The following ABTB3 variants were observed in gnomAD, a reference collection of about 807,000 sequenced individuals.
ABTB3 encodes ankyrin repeat- and BTB/POZ domain-containing protein 3.
At chr12:107,586,248 C>T in the ABTB3 span, among the ~76,000 whole-genome samples, 2 of 152,114 alleles carry the variant, frequency 1.3e-5, no homozygotes, top group Non-Finnish European at 2.9e-5. Context: ...GCTGCATCCG[C>T]ACCAGCCATT....
At chr12:107,560,433 CA>C in the ABTB3 span, among the ~76,000 whole-genome samples, 3 of 152,136 alleles carry the variant, frequency 2.0e-5, no homozygotes, top group Admixed American at 6.5e-5. Context: ...GCTTTTTTTC[CA>C]GGAAGCAAGG....
At chr12:107,525,883 T>C in the ABTB3 span, among the ~76,000 whole-genome samples, 1 of 152,220 alleles carries the variant, frequency 6.6e-6, no homozygotes, top group Non-Finnish European at 1.5e-5. Context: ...GTATTATTAT[T>C]CCCATTTCAC....
the ABTB3 span, among the ~76,000 whole-genome samples, chr12:107,493,468 C>T: frequency 2.6e-4 from 39 of 152,300 alleles, no homozygotes; most frequent in African/African-American, 9.4e-4. Flanking sequence ...TGTGTTAGAA[C>T]CTTCTCTCAG....
chr12:107,599,808 A>G, the ABTB3 span, among the ~76,000 whole-genome samples: 1 of 152,182 alleles, frequency 6.6e-6, no homozygotes, highest in African/African-American at 2.4e-5. Flanking sequence ...AAATAATAAT[A>G]AAAGCCAAAA....
chr12:107,651,688 T>A, the ABTB3 span: 1 of 1,614,038 alleles, frequency 6.2e-7, no homozygotes, highest in Middle Eastern at 1.7e-4. Flanking sequence ...TGTCTGCTGC[T>A]AAGTTTTTCC....
chr12:107,516,075 G>A, the ABTB3 span, among the ~76,000 whole-genome samples: 5 of 151,548 alleles, frequency 3.3e-5, no homozygotes, highest in Non-Finnish European at 7.4e-5. Context: ...ACACCAGGCT[G>A]TGATATAAAA....
chr12:107,469,804 A>G, the ABTB3 span, among the ~76,000 whole-genome samples: 1 of 152,140 alleles, frequency 6.6e-6, no homozygotes, highest in Non-Finnish European at 1.5e-5. Context: ...GCAACTTCAA[A>G]TGGCAGTGAT....
At chr12:107,375,977 G>A in the ABTB3 span, among the ~76,000 whole-genome samples, 1 of 152,064 alleles carries the variant, frequency 6.6e-6, no homozygotes, top group South Asian at 2.1e-4. Context: ...TCTCTTATTT[G>A]TCACTCTCCA....
chr12:107,343,360 A>T, the ABTB3 span, among the ~76,000 whole-genome samples: 3 of 152,122 alleles, frequency 2.0e-5, no homozygotes, highest in Non-Finnish European at 1.5e-5. Context: ...CTCAATGAAG[A>T]TGCCTCTTGG....
chr12:107,482,733 C>A, the ABTB3 span, among the ~76,000 whole-genome samples: 1 of 152,032 alleles, frequency 6.6e-6, no homozygotes. Flanking sequence ...TCTCCTCTTC[C>A]TGGCTCCATT....
chr12:107,479,672 A>C, the ABTB3 span, among the ~76,000 whole-genome samples: 1 of 151,968 alleles, frequency 6.6e-6, no homozygotes, highest in South Asian at 2.1e-4. Flanking sequence ...TTTTTATCCT[A>C]ATGTCTCCCC....
chr12:107,543,990 C>T, the ABTB3 span: 29 of 1,613,870 alleles, frequency 1.8e-5, no homozygotes, highest in Middle Eastern at 4.9e-4. Context: ...CCAAGCACCA[C>T]GGCAATGGCA....
the ABTB3 span, chr12:107,581,408 A>G: frequency 1.0e-6 from 1 of 983,274 alleles, no homozygotes; most frequent in African/African-American, 1.7e-5. Context: ...AGCCCCGCAC[A>G]CCTCGGCGGC....
At chr12:107,644,805 C>T in the ABTB3 span, among the ~76,000 whole-genome samples, 1 of 151,978 alleles carries the variant, frequency 6.6e-6, no homozygotes, top group African/African-American at 2.4e-5. Flanking sequence ...GTTTGGCCCC[C>T]ACTTATAAGT....
chr12:107,590,862 C>G, the ABTB3 span, among the ~76,000 whole-genome samples: 1 of 152,086 alleles, frequency 6.6e-6, no homozygotes, highest in Non-Finnish European at 1.5e-5. Context: ...TTATTTTTGG[C>G]CCACTCTTGA....
the ABTB3 span, among the ~76,000 whole-genome samples, chr12:107,584,006 A>C: frequency 1.5e-4 from 23 of 152,354 alleles, no homozygotes; most frequent in Non-Finnish European, 1.2e-4. Flanking sequence ...AGCTTACCTA[A>C]ATAGTAAGTG....
At chr12:107,645,583 G>A in the ABTB3 span, among the ~76,000 whole-genome samples, 1 of 152,122 alleles carries the variant, frequency 6.6e-6, no homozygotes, top group Admixed American at 6.5e-5. Flanking sequence ...AGAATCTTTC[G>A]GCCCATTTGT....
chr12:107,542,623 T>C, the ABTB3 span, among the ~76,000 whole-genome samples: 1 of 152,180 alleles, frequency 6.6e-6, no homozygotes, highest in Non-Finnish European at 1.5e-5. Context: ...ACTGAACCCC[T>C]ATGCAGTCAA....
the ABTB3 span, among the ~76,000 whole-genome samples, chr12:107,455,289 T>G: frequency 6.6e-6 from 1 of 152,340 alleles, no homozygotes; most frequent in African/African-American, 2.4e-5. Context: ...AGAAATACTT[T>G]AACATCTGCA....
Sources: allele counts gnomAD v4.1 joint callset (sites outside exome capture counted in the v4.1 genomes callset), GRCh38; gene constraint gnomAD v4.1.1; transcripts MANE v1.5; gene names NCBI Gene and HGNC (gene_info 2026-07-23, HGNC 2026-07-21).